PLSCR2: variants seen among roughly 807,000 people sequenced by gnomAD.
PLSCR2 encodes the protein phospholipid scramblase 2.
A neutral mutation model predicts 25.3 loss-of-function variants in PLSCR2; 18 were observed. The ratio of observed to expected loss-of-function variants is 0.71; its 90% CI spans 0.49 to 1.06. The LOEUF (loss-of-function observed/expected upper bound fraction) is 1.06. Ranked by LOEUF, PLSCR2 falls within the 50% of genes least tolerant of loss-of-function variation. The pLI is 0.00. For synonymous variants in PLSCR2, 88 were observed against 87.3 expected, an observed-to-expected ratio of 1.01 and a Z score of -0.04; for missense variants, 243 against 269.5, an observed-to-expected ratio of 0.90 and a Z score of 0.69.
intron 5 of PLSCR2, among the ~76,000 whole-genome samples, chr3:146,451,742 C>T (rs1044658057): frequency 6.6e-6 from 1 of 152,108 alleles, no homozygotes; most frequent in African/African-American, 2.4e-5. Flanking sequence ...TCACCAATAG[C>T]CAGTGGTTTA....
chr3:146,432,598 G>A (rs567101915), downstream of PLSCR2, among the ~76,000 whole-genome samples: 2 of 152,106 alleles, frequency 1.3e-5, no homozygotes, highest in African/African-American at 4.8e-5. Context: ...GGCAGGTATG[G>A]CAAAAAGGAG....
At chr3:146,467,271 AAACT>A (rs1205358608) in intron 1 of PLSCR2, among the ~76,000 whole-genome samples, 1 of 152,222 alleles carries the variant, frequency 6.6e-6, no homozygotes, top group Non-Finnish European at 1.5e-5. Flanking sequence ...GTGTTCTACA[AAACT>A]AACAAGTAAA....
chr3:146,393,580 G>A (rs1488902005), intron 3 of PLSCR2, among the ~76,000 whole-genome samples: 3 of 151,616 alleles, frequency 2.0e-5, no homozygotes, highest in Admixed American at 1.3e-4. Context: ...GGAGGCCGAG[G>A]CGGGCAGATC....
At chr3:146,489,562 T>C (rs962897448) in intron 1 of PLSCR2, among the ~76,000 whole-genome samples, 14 of 152,152 alleles carry the variant, frequency 9.2e-5, no homozygotes, top group Non-Finnish European at 1.9e-4. Context: ...AATTTCTCTC[T>C]TTCTCTCTGT....
At chr3:146,395,841 A>G (rs745359987) in exon 3 of PLSCR2, 1 of 191,562 alleles carries the variant, frequency 5.2e-6, no homozygotes, top group Non-Finnish European at 1.1e-5. Flanking sequence ...ATTTCTCACC[A>G]TTGGTTAATA....
At chr3:146,486,203 C>T (rs1351333441) in intron 1 of PLSCR2, among the ~76,000 whole-genome samples, 2 of 152,128 alleles carry the variant, frequency 1.3e-5, no homozygotes, top group African/African-American at 4.8e-5. Context: ...TAAATGCCCA[C>T]ATCACAAAGC....
chr3:146,405,520 G>A (rs949688183), intron 2 of PLSCR2, among the ~76,000 whole-genome samples: 11 of 152,042 alleles, frequency 7.2e-5, no homozygotes, highest in Non-Finnish European at 1.5e-4. Context: ...GGAAAAGGGA[G>A]AGTCTAAAAA....
intron 2 of PLSCR2, among the ~76,000 whole-genome samples, chr3:146,414,265 C>T (rs1158160742): frequency 6.6e-6 from 1 of 152,204 alleles, no homozygotes; most frequent in Non-Finnish European, 1.5e-5. Context: ...GATTAAGTTT[C>T]CAGCACATGA....
chr3:146,418,861 T>C (rs2039062688), intron 2 of PLSCR2, among the ~76,000 whole-genome samples: 1 of 152,174 alleles, frequency 6.6e-6, no homozygotes, highest in Admixed American at 6.6e-5. Context: ...TGGTTTCTGC[T>C]TAGAACCAAA....
chr3:146,473,808 G>A (rs1369522669), intron 1 of PLSCR2, among the ~76,000 whole-genome samples: 1 of 152,096 alleles, frequency 6.6e-6, no homozygotes, highest in Admixed American at 6.5e-5. Context: ...TATTTGGAAC[G>A]GGGCTTGAGA....
At position 146,455,458 on chromosome 3, in the gene PLSCR2, A is replaced by G. The variant is rs113147741; in HGVS notation, c.102T>C (p.Val34=). The change falls in exon 4 of 7, where the codon GTT becomes GTC. Residue 34 remains valine, a splice_region_variant and synonymous_variant. Transcript: ENST00000610787. Reference sequence around the variant, plus strand: ...TGTTACTACTTTCAAAACTGAATAGAACTAAAAATGAAAATAAAATCAGTT... The same window carrying G: ...TGTTACTACTTTCAAAACTGAATAGGACTAAAAATGAAAATAAAATCAGTT... 8.9e-4 allele frequency: 1,397 copies of G among 1,577,206 alleles called. 12 individuals carry two copies. The highest frequency in any genetic ancestry group is 8.2e-3 in the Middle Eastern group (49 of 5,998).
intron 1 of PLSCR2, among the ~76,000 whole-genome samples, chr3:146,478,269 G>A (rs2108519235): frequency 6.6e-6 from 1 of 152,244 alleles, no homozygotes; most frequent in Non-Finnish European, 1.5e-5. Context: ...GGCTTCAGAA[G>A]GTCAGTAATA....
At chr3:146,478,546 AAG>A (rs1316393124) in intron 1 of PLSCR2, among the ~76,000 whole-genome samples, 2 of 152,204 alleles carry the variant, frequency 1.3e-5, no homozygotes. Context: ...TTAGAGAAAA[AAG>A]AGTAAAAAGA....
At chr3:146,456,795 AAAAAG>A (rs1311485320) in intron 3 of PLSCR2, among the ~76,000 whole-genome samples, 1 of 152,192 alleles carries the variant, frequency 6.6e-6, no homozygotes. Context: ...AATTTGAGAA[AAAAAG>A]AAAAGAAAAT....
intron 3 of PLSCR2, among the ~76,000 whole-genome samples, chr3:146,457,341 T>G (rs1296301860): frequency 6.6e-6 from 1 of 152,244 alleles, no homozygotes; most frequent in Non-Finnish European, 1.5e-5. Context: ...TAACTCTACC[T>G]AGGCTCTCAT....
chr3:146,404,822 G>A lies in PLSCR2; in HGVS notation c.101-8901C>T, dbSNP rs13068811. ...GGAAGAAATAGGCAAAAAAAAAAAA[G>A]GGGGGGGGTGGTGGTTAACTGGTCC... On this transcript the variant is annotated intron_variant and NMD_transcript_variant, in intron 2 of 3. Coordinates refer to the PLSCR2 transcript ENST00000463633. Among the ~76,000 whole-genome samples the A allele has an allele frequency of 5.4e-3, 391 of 72,136 alleles. 1 individual carries two copies. Among genetic ancestry groups the A allele is most frequent in the African/African-American group, 9.3e-3 (220 of 23,542 alleles). The allele number at this position is 72,136 out of a possible 152,430, so 47.3% of individuals were successfully genotyped here.
downstream of PLSCR2, among the ~76,000 whole-genome samples, chr3:146,439,797 G>A (rs1439902639): frequency 2.6e-5 from 4 of 152,158 alleles, no homozygotes; most frequent in Admixed American, 2.6e-4. Context: ...TCCCCGTCCA[G>A]CTTTGTTCCA....
At chr3:146,448,715 T>C (rs996555928) in intron 6 of PLSCR2, among the ~76,000 whole-genome samples, 1 of 152,244 alleles carries the variant, frequency 6.6e-6, no homozygotes, top group Non-Finnish European at 1.5e-5. Flanking sequence ...ATAATTCTAA[T>C]ATAAATATAC....
chr3:146,478,875 A>G (rs2043028671), intron 1 of PLSCR2, among the ~76,000 whole-genome samples: 3 of 152,266 alleles, frequency 2.0e-5, no homozygotes, highest in Admixed American at 1.3e-4. Context: ...AGGGAAGCCC[A>G]TCAGACTAAC....
Sources: gnomAD v4.1 joint callset for allele counts (sites outside exome capture counted in the v4.1 genomes callset) on GRCh38, gnomAD v4.1.1 for gene constraint, MANE v1.5 for transcripts, NCBI Gene and HGNC (gene_info 2026-07-23, HGNC 2026-07-21) for gene names.